ARHGAP29: variants seen among roughly 807,000 people sequenced by gnomAD.
The protein encoded by ARHGAP29 is rho GTPase-activating protein 29.
In ARHGAP29, 43 loss-of-function variants were observed where a neutral mutation model predicts 122.6. The ratio of observed to expected loss-of-function variants is 0.35; its 90% CI spans 0.27 to 0.45. The LOEUF is 0.45. Among genes scored for constraint, ARHGAP29 ranks in the 20% least tolerant of loss-of-function variants. The pLI, the probability that ARHGAP29 is intolerant of heterozygous loss-of-function variation, is 1.00. For missense variants in ARHGAP29, 1,303 were observed against 1,477.2 expected, an observed-to-expected ratio of 0.88 and a Z score of 1.93; for synonymous variants, 506 against 497.1, an observed-to-expected ratio of 1.02 and a Z score of -0.24.
At chr1:94,229,820 A>T (rs1652823750) in intron 2 of ARHGAP29, among the ~76,000 whole-genome samples, 1 of 151,376 alleles carries the variant, frequency 6.6e-6, no homozygotes, top group Admixed American at 6.6e-5. Flanking sequence ...TCTTATAAAA[A>T]TTTTTTTTGG....
At chr1:94,220,207 A>G (rs1652208113) in intron 3 of ARHGAP29, 51 bp downstream of exon 3, 2 of 1,605,912 alleles carry the variant, frequency 1.2e-6, no homozygotes, top group African/African-American at 2.7e-5. Flanking sequence ...AAAATATATC[A>G]CTTGGCTCCT....
the ARHGAP29 span, among the ~76,000 whole-genome samples, chr1:94,283,125 C>T: frequency 3.9e-5 from 6 of 152,124 alleles, no homozygotes; most frequent in Admixed American, 2.6e-4. Flanking sequence ...AAACTGCCAA[C>T]GCCAACTCTG....
intron 1 of ARHGAP29, among the ~76,000 whole-genome samples, chr1:94,259,304 G>T (rs1193069823): frequency 6.6e-6 from 1 of 152,142 alleles, no homozygotes; most frequent in African/African-American, 2.4e-5. Flanking sequence ...TACAAGTAAT[G>T]AATATACCTC....
At chr1:94,213,713 T>C (rs1050574779) in intron 3 of ARHGAP29, among the ~76,000 whole-genome samples, 17 of 152,182 alleles carry the variant, frequency 1.1e-4, no homozygotes, top group African/African-American at 3.9e-4. Flanking sequence ...ATCCTAACTC[T>C]CTCTCTTACA....
At chr1:94,300,728 CACCTGGCATAAT>C in the ARHGAP29 span, among the ~76,000 whole-genome samples, 1 of 152,108 alleles carries the variant, frequency 6.6e-6, no homozygotes, top group Non-Finnish European at 1.5e-5. Context: ...GTGTTCTTAG[CACCTGGCATAAT>C]ACCTGGCATA....
chr1:94,222,273 T>C (rs1037184598), intron 2 of ARHGAP29, among the ~76,000 whole-genome samples: 2 of 152,196 alleles, frequency 1.3e-5, no homozygotes, highest in Admixed American at 6.5e-5. Flanking sequence ...CATAACTCTC[T>C]TACATATGAC....
chr1:94,178,941 T>C (rs990037749), intron 20 of ARHGAP29, among the ~76,000 whole-genome samples: 2 of 152,178 alleles, frequency 1.3e-5, no homozygotes, highest in East Asian at 1.9e-4. Context: ...CTGTGTAATT[T>C]TGCCCACCAA....
intron 12 of ARHGAP29, among the ~76,000 whole-genome samples, chr1:94,198,704 T>C (rs1570522340): frequency 6.6e-6 from 1 of 152,268 alleles, no homozygotes; most frequent in East Asian, 1.9e-4. Context: ...TGGAGAGACA[T>C]AATATGTTCA....
At chr1:94,219,905 T>C (rs935344694) in intron 3 of ARHGAP29, among the ~76,000 whole-genome samples, 2 of 152,190 alleles carry the variant, frequency 1.3e-5, no homozygotes, top group African/African-American at 4.8e-5. Context: ...CACTGCACAT[T>C]ACCACTCTCC....
At chr1:94,180,191 A>G (rs990131121) in intron 19 of ARHGAP29, among the ~76,000 whole-genome samples, 2 of 152,222 alleles carry the variant, frequency 1.3e-5, no homozygotes, top group African/African-American at 4.8e-5. Context: ...AATCAGTAAA[A>G]CTAAACCTAA....
At chr1:94,199,220 TC>T (rs1363757563) in intron 12 of ARHGAP29, among the ~76,000 whole-genome samples, 2 of 151,854 alleles carry the variant, frequency 1.3e-5, no homozygotes, top group Non-Finnish European at 2.9e-5. Flanking sequence ...TGCACATGTA[TC>T]CTAGAACTTA....
Position 94,173,908 on chromosome 1 carries a change from C to T in ARHGAP29, c.3747G>A (p.Gln1249=). The T allele has an allele frequency of 6.2e-7, 1 of 1,610,874 alleles. No individual in the cohort carries two copies. Among genetic ancestry groups the T allele is most frequent in the Non-Finnish European group, 8.5e-7 (1 of 1,177,656 alleles). ...CQRPRLKRMQ[Q]FEDLEGEIPQ... ...GAATTTCACCTTCGAGGTCTTCAAA[C>T]TGTTGCATTCGTTTTAGCCTTGGTC... The change falls in exon 23 of 23, where the codon CAG becomes CAA. Residue 1249 remains glutamine, a synonymous_variant. Transcript: ENST00000260526.
intron 8 of ARHGAP29, among the ~76,000 whole-genome samples, chr1:94,203,426 A>G (rs1353615890): frequency 6.6e-6 from 1 of 152,220 alleles, no homozygotes; most frequent in African/African-American, 2.4e-5. Flanking sequence ...CAAGACAATC[A>G]GTATTTGTAT....
chr1:94,237,661 C>T (rs1653383188), upstream of ARHGAP29: 1 of 986,016 alleles, frequency 1.0e-6, no homozygotes, highest in South Asian at 4.5e-5. Flanking sequence ...GAGCCCAGCC[C>T]ATTGGCCCGC....
rs76866970 is a variant in ARHGAP29, at chr1:94,222,404, T to A, written c.206-2012A>T. On this transcript the variant is annotated intron_variant, in intron 2 of 22. Transcript: ENST00000260526. ...CAGGTGACCAAGGTCAACATCAACA[T>A]TGACAAATCACATTCAAGGTAAATA... is the stretch of plus-strand genomic sequence containing the variant. 5.0e-3 allele frequency among the ~76,000 whole-genome samples: 760 copies of A among 152,248 alleles called. 10 individuals carry two copies. Among genetic ancestry groups the A allele is most frequent in the African/African-American group, 0.018 (733 of 41,542 alleles).
intron 15 of ARHGAP29, 45 bp downstream of exon 15, chr1:94,188,792 G>C: frequency 6.8e-7 from 1 of 1,476,128 alleles, no homozygotes. Flanking sequence ...AAAAAGGACT[G>C]ATCTTTCAAT....
Position 94,189,261 on chromosome 1 carries a change from T to A in ARHGAP29, c.1531A>T (p.Asn511Tyr), listed in dbSNP as rs1408550874. 4.3e-6 allele frequency: 7 copies of A among 1,613,020 alleles called. No individual in the cohort carries two copies. The African/African-American group carries it at 8.0e-5, about 18-fold the overall frequency. Residue 511 changes from asparagine to tyrosine, a missense_variant, in exon 14 of 23, where the codon AAT becomes TAT. Transcript: ENST00000260526. ...GAGCATCTGTCCTCTTCAATTTTAT[T>A]AGAACTGTCAGGAAGGCGTACAACA... is the stretch of plus-strand genomic sequence containing the variant. ...EDVVRLPDSS[N>Y]KIEEDRCSNS...
At chr1:94,237,674 TC>T, upstream of ARHGAP29, 4 of 984,922 alleles carry the variant, frequency 4.1e-6, no homozygotes, top group Non-Finnish European at 3.6e-6. Flanking sequence ...TGGCCCGCGC[TC>T]CCGGGGGCGG....
At chr1:94,302,771 A>G in the ARHGAP29 span, 1 of 304,810 alleles carries the variant, frequency 3.3e-6, no homozygotes. Flanking sequence ...CTCTGGAGAA[A>G]CCAGCCAAAT....
Sources: gnomAD v4.1 joint callset for allele counts (sites outside exome capture counted in the v4.1 genomes callset) on GRCh38, gnomAD v4.1.1 for gene constraint, MANE v1.5 for transcripts, NCBI Gene and HGNC (gene_info 2026-07-23, HGNC 2026-07-21) for gene names.